Variants in PGCKA1 observed in about 807,000 individuals in gnomAD.
The protein encoded by PGCKA1 is PDCD10 and GCKIII kinases-associated protein 1.
the PGCKA1 span, among the ~76,000 whole-genome samples, chr4:37,485,598 T>C: frequency 2.6e-5 from 4 of 152,122 alleles, no homozygotes; most frequent in Non-Finnish European, 5.9e-5. Context: ...TATTCTGTTG[T>C]AGCAGCACAA....
chr4:37,464,843 A>G, the PGCKA1 span, among the ~76,000 whole-genome samples: 4 of 152,230 alleles, frequency 2.6e-5, no homozygotes, highest in Admixed American at 2.6e-4. Flanking sequence ...CCTATAATCA[A>G]TTCCATGTTT....
the PGCKA1 span, among the ~76,000 whole-genome samples, chr4:37,520,687 G>A: frequency 2.5e-4 from 38 of 151,810 alleles, no homozygotes; most frequent in Middle Eastern, 6.8e-3. Flanking sequence ...GCCTGATCTC[G>A]GCTCACTGCA....
chr4:37,581,065 C>T, the PGCKA1 span, among the ~76,000 whole-genome samples: 5 of 152,302 alleles, frequency 3.3e-5, no homozygotes, highest in Admixed American at 3.3e-4. The surrounding 1 kb of genome is among the most constrained non-coding windows in gnomAD (Gnocchi z 4.4). Flanking sequence ...CCGATGTTCA[C>T]TTAAGGCCCA....
At chr4:37,499,573 T>C in the PGCKA1 span, among the ~76,000 whole-genome samples, 1 of 152,232 alleles carries the variant, frequency 6.6e-6, no homozygotes, top group African/African-American at 2.4e-5. Context: ...TTTTAGATTT[T>C]CTAGTTCGTG....
chr4:37,524,220 C>A, the PGCKA1 span, among the ~76,000 whole-genome samples: 2 of 152,204 alleles, frequency 1.3e-5, no homozygotes, highest in Admixed American at 6.5e-5. Flanking sequence ...GTATAAGTTA[C>A]CCCAAAACTC....
the PGCKA1 span, among the ~76,000 whole-genome samples, chr4:37,536,642 A>G: frequency 5.3e-5 from 8 of 152,308 alleles, no homozygotes; most frequent in East Asian, 1.5e-3. Context: ...AGATGGAGTC[A>G]GCAAACTTTT....
the PGCKA1 span, among the ~76,000 whole-genome samples, chr4:37,565,128 A>G: frequency 6.6e-6 from 1 of 152,158 alleles, no homozygotes; most frequent in Non-Finnish European, 1.5e-5. Flanking sequence ...AGGGTACAGG[A>G]GGATCTGGGA....
chr4:37,522,977 A>G, the PGCKA1 span, among the ~76,000 whole-genome samples: 1 of 152,022 alleles, frequency 6.6e-6, no homozygotes, highest in African/African-American at 2.4e-5. Context: ...GCACTCCCTT[A>G]GTCACCCCAG....
At chr4:37,508,231 T>C in the PGCKA1 span, among the ~76,000 whole-genome samples, 3 of 152,172 alleles carry the variant, frequency 2.0e-5, no homozygotes, top group African/African-American at 7.2e-5. Flanking sequence ...TATAACCTTC[T>C]TACACTTGGA....
chr4:37,556,694 C>T, the PGCKA1 span, among the ~76,000 whole-genome samples: 1 of 152,156 alleles, frequency 6.6e-6, no homozygotes, highest in African/African-American at 2.4e-5. Flanking sequence ...TTGTTGGTGT[C>T]CCCTTGATGG....
At chr4:37,592,384 C>T in the PGCKA1 span, among the ~76,000 whole-genome samples, 1 of 144,512 alleles carries the variant, frequency 6.9e-6, no homozygotes, top group Non-Finnish European at 1.5e-5. Flanking sequence ...AGCTAGACTA[C>T]AAAATTATAC....
the PGCKA1 span, among the ~76,000 whole-genome samples, chr4:37,505,188 C>T: frequency 6.6e-6 from 1 of 152,200 alleles, no homozygotes; most frequent in East Asian, 1.9e-4. Context: ...TACATCTGTC[C>T]TTCGTTCTGT....
the PGCKA1 span, among the ~76,000 whole-genome samples, chr4:37,574,876 T>C: frequency 6.6e-6 from 1 of 152,212 alleles, no homozygotes; most frequent in Non-Finnish European, 1.5e-5. Flanking sequence ...TGTCTTTCTG[T>C]GCCTGGCTTA....
At chr4:37,579,015 G>A in the PGCKA1 span, among the ~76,000 whole-genome samples, 4 of 152,080 alleles carry the variant, frequency 2.6e-5, no homozygotes, top group Non-Finnish European at 5.9e-5. Context: ...CCGAGATTGC[G>A]CCATTGCACT....
At chr4:37,458,367 A>C in the PGCKA1 span, among the ~76,000 whole-genome samples, 1 of 152,056 alleles carries the variant, frequency 6.6e-6, no homozygotes, top group Admixed American at 6.5e-5. Flanking sequence ...AGTATCAGTT[A>C]TCTATTGCTG....
chr4:37,477,612 C>T, the PGCKA1 span, among the ~76,000 whole-genome samples: 4 of 152,118 alleles, frequency 2.6e-5, no homozygotes, highest in Admixed American at 6.5e-5. Context: ...TAAGGAATTT[C>T]GGTAACCTTC....
chr4:37,485,844 A>G, the PGCKA1 span, among the ~76,000 whole-genome samples: 1 of 152,146 alleles, frequency 6.6e-6, no homozygotes, highest in Non-Finnish European at 1.5e-5. Flanking sequence ...TCCTGTCCTA[A>G]TAGCAGGACA....
At chr4:37,591,178 TG>T in the PGCKA1 span, 1 of 587,392 alleles carries the variant, frequency 1.7e-6, no homozygotes, top group Non-Finnish European at 3.0e-6. Flanking sequence ...GTCACATATC[TG>T]GAGTTTCACT....
the PGCKA1 span, among the ~76,000 whole-genome samples, chr4:37,555,321 C>G: frequency 6.6e-6 from 1 of 152,178 alleles, no homozygotes; most frequent in African/African-American, 2.4e-5. Context: ...AGAGTAGCTT[C>G]TAACAGACAG....
Sources: gnomAD v4.1 joint callset for allele counts (sites outside exome capture counted in the v4.1 genomes callset) on GRCh38, gnomAD v4.1.1 for gene constraint, Gnocchi (gnomAD v3.1) non-coding constraint, MANE v1.5 for transcripts, NCBI Gene and HGNC (gene_info 2026-07-23, HGNC 2026-07-21) for gene names.